IL19: variants seen among roughly 807,000 people sequenced by gnomAD.
The protein encoded by IL19 is interleukin 19, also known as interleukin-19.
IL19 carries 15 observed loss-of-function variants against 19.5 expected under a neutral mutation model. The observed-to-expected ratio is 0.77, with a 90% CI of 0.52 to 1.19. IL19 has a LOEUF of 1.19. IL19 is among the 50% of genes most tolerant of loss of function. IL19 has a pLI of 0.00. For missense variants in IL19, 199 were observed against 213.1 expected (o/e 0.93, Z 0.41); for synonymous variants, 78 against 78.3 (o/e 1.00, Z 0.02).
At chr1:206,809,671 A>G (rs1418336800) in intron 2 of IL19, among the ~76,000 whole-genome samples, 1 of 152,230 alleles carries the variant, frequency 6.6e-6, no homozygotes, top group Non-Finnish European at 1.5e-5. Context: ...CGGGTTGTGC[A>G]ATTGGCACTA....
chr1:206,781,274 T>C (rs972312460), intron 1 of IL19, among the ~76,000 whole-genome samples: 1 of 151,480 alleles, frequency 6.6e-6, no homozygotes, highest in Non-Finnish European at 1.5e-5. Context: ...TGAAACCCTG[T>C]CTCTACTAAA....
intron 1 of IL19, among the ~76,000 whole-genome samples, chr1:206,777,739 G>T (rs979461453): frequency 3.3e-5 from 5 of 152,254 alleles, no homozygotes; most frequent in African/African-American, 1.2e-4. Context: ...GCCCCTCCGG[G>T]CTTGACTCCT....
chr1:206,833,672 T>C, intron 2 of IL19: 1 of 985,600 alleles, frequency 1.0e-6, no homozygotes, highest in South Asian at 4.7e-5. Flanking sequence ...TTTCAGGTCC[T>C]GGCTCTGCCA....
intron 1 of IL19, chr1:206,772,390 C>T: frequency 6.2e-7 from 1 of 1,614,102 alleles, no homozygotes; most frequent in Non-Finnish European, 8.5e-7. Flanking sequence ...CTGGCCCTCA[C>T]CCCAGTCAGG....
intron 1 of IL19, among the ~76,000 whole-genome samples, chr1:206,782,412 T>C (rs1387432128): frequency 7.3e-6 from 1 of 136,076 alleles, no homozygotes; most frequent in Non-Finnish European, 1.6e-5. Flanking sequence ...AGAGAATGAA[T>C]GCTGTAAGTG....
intron 1 of IL19, among the ~76,000 whole-genome samples, chr1:206,771,979 T>G (rs1050855077): frequency 6.6e-6 from 1 of 152,238 alleles, no homozygotes; most frequent in Non-Finnish European, 1.5e-5. Context: ...TCTTTACTTC[T>G]CCTAGCCAAT....
At chr1:206,780,797 G>T (rs1352901163) in intron 1 of IL19, among the ~76,000 whole-genome samples, 2 of 152,136 alleles carry the variant, frequency 1.3e-5, no homozygotes, top group African/African-American at 2.4e-5. Context: ...AATCACTCTG[G>T]GTTCTCTGGG....
intron 2 of IL19, chr1:206,834,272 G>T (rs1013571023): frequency 1.0e-6 from 1 of 985,436 alleles, no homozygotes; most frequent in Non-Finnish European, 1.2e-6. Flanking sequence ...TCTCCCCAAG[G>T]TGGATCCACC....
chr1:206,807,079 T>C (rs1316820729), intron 2 of IL19, among the ~76,000 whole-genome samples: 1 of 152,150 alleles, frequency 6.6e-6, no homozygotes, highest in Non-Finnish European at 1.5e-5. Context: ...CTTCATATGG[T>C]GGCAGGAAGA....
chr1:206,840,211 T>C (rs746661895), intron 5 of IL19: 1 of 701,646 alleles, frequency 1.4e-6, no homozygotes, highest in South Asian at 1.5e-5. Context: ...TCAGATGGTC[T>C]CCTCCTAGAT....
At position 206,795,302 on chromosome 1, in the gene IL19, C is replaced by T. The variant is rs535798505; in HGVS notation, c.-148-3559C>T. Among the ~76,000 whole-genome samples, 8 of 152,374 alleles carry T rather than the reference C, an allele frequency of 5.3e-5. No individual in the cohort carries two copies. The East Asian group carries it at 1.3e-3, about 26-fold the overall frequency. Reference sequence around the variant, plus strand: ...AGCCCACCTTCTTGAACATTTCAGTCTCTTTGCATCCAGCTGGGTGTATTC... The same window carrying T: ...AGCCCACCTTCTTGAACATTTCAGTTTCTTTGCATCCAGCTGGGTGTATTC... On this transcript the variant is annotated intron_variant, in intron 1 of 6. Coordinates refer to ENST00000659997, the MANE Select transcript of IL19 (RefSeq NM_153758.5).
chr1:206,804,178 C>A (rs779787455), intron 2 of IL19, among the ~76,000 whole-genome samples: 10 of 152,146 alleles, frequency 6.6e-5, no homozygotes, highest in Non-Finnish European at 1.3e-4. Flanking sequence ...GGGTTGCTTG[C>A]CACATTCACC....
intron 2 of IL19, among the ~76,000 whole-genome samples, chr1:206,831,098 T>C (rs1222417302): frequency 6.6e-6 from 1 of 152,208 alleles, no homozygotes; most frequent in African/African-American, 2.4e-5. Context: ...AATTTTTGTA[T>C]GCGCTCAAGA....
Position 206,776,427 on chromosome 1 carries a change from GGT to G in IL19, c.-149+5375_-149+5376del, listed in dbSNP as rs2234655. 5.3e-3 allele frequency among the ~76,000 whole-genome samples: 778 copies of G among 148,148 alleles called. 1 individual carries two copies. Among genetic ancestry groups the G allele is most frequent in the Middle Eastern group, 0.014 (4 of 286 alleles). On this transcript the variant is annotated intron_variant, in intron 1 of 6. Transcript: ENST00000659997. Reference sequence around the variant, plus strand: ...AATCTGGGCAGGCAAGAACTGCTGGGGTGTGTGTGTGTGTGTGTGTGTGTGTG... The same window carrying G: ...AATCTGGGCAGGCAAGAACTGCTGGGGTGTGTGTGTGTGTGTGTGTGTGTG...
intron 1 of IL19, among the ~76,000 whole-genome samples, chr1:206,796,059 G>A (rs1373223672): frequency 6.6e-6 from 1 of 151,882 alleles, no homozygotes; most frequent in Non-Finnish European, 1.5e-5. Context: ...GAAAGCCGAT[G>A]GTATAGTTCG....
intron 1 of IL19, 54 bp downstream of exon 1, chr1:206,771,132 T>A: frequency 6.6e-7 from 1 of 1,511,068 alleles, no homozygotes; most frequent in Non-Finnish European, 9.2e-7. Context: ...GCAACTAGCT[T>A]AAGAGGACAG....
intron 1 of IL19, among the ~76,000 whole-genome samples, chr1:206,792,045 C>T (rs568099576): frequency 1.6e-4 from 24 of 152,308 alleles, no homozygotes; most frequent in African/African-American, 5.5e-4. Context: ...GTGCCACTCA[C>T]GGGCAGATGC....
chr1:206,778,048 TA>T (rs1020447990), intron 1 of IL19, among the ~76,000 whole-genome samples: 3 of 152,198 alleles, frequency 2.0e-5, no homozygotes, highest in Non-Finnish European at 4.4e-5. Context: ...TACTTCAGAA[TA>T]AACGCCTGGT....
intron 2 of IL19, among the ~76,000 whole-genome samples, chr1:206,818,970 G>A (rs180908853): frequency 8.6e-5 from 13 of 151,746 alleles, no homozygotes; most frequent in Admixed American, 6.6e-4. Flanking sequence ...CTGCCACAGC[G>A]CCCAGGTAAT....
Sources: gnomAD v4.1 joint callset for allele counts (sites outside exome capture counted in the v4.1 genomes callset) on GRCh38, gnomAD v4.1.1 for gene constraint, MANE v1.5 for transcripts, NCBI Gene and HGNC (gene_info 2026-07-23, HGNC 2026-07-21) for gene names.